LRRC71: variants seen among roughly 807,000 people sequenced by gnomAD.
LRRC71 encodes the protein leucine-rich repeat-containing protein 71.
Under a neutral mutation model 66.6 loss-of-function variants are expected in LRRC71, and 54 were observed. The observed-to-expected ratio is 0.81, with a 90% CI of 0.65 to 1.02. The LOEUF is 1.02. Ranked by LOEUF, LRRC71 falls within the 50% of genes least tolerant of loss-of-function variation. The probability of loss-of-function intolerance (pLI) is 0.00; values close to 1 mark genes in which losing one functional copy is unlikely to be tolerated. For synonymous variants in LRRC71, 323 were observed against 303.9 expected (o/e 1.06, Z -0.65); for missense variants, 724 against 718.0 (o/e 1.01, Z -0.10).
intron 9 of LRRC71, 67 bp downstream of exon 9, chr1:156,928,071 C>A: frequency 6.9e-7 from 1 of 1,447,824 alleles, no homozygotes; most frequent in Non-Finnish European, 9.5e-7. Flanking sequence ...CTCCCCAAGT[C>A]CGCTGCTTTT....
chr1:156,934,535 A>G (rs538878942), downstream of LRRC71, among the ~76,000 whole-genome samples: 2 of 152,210 alleles, frequency 1.3e-5, no homozygotes, highest in East Asian at 1.9e-4. Flanking sequence ...ATGTGTATAT[A>G]TATGTGTGTG....
At position 156,920,878 on chromosome 1, in the gene LRRC71, G is replaced by T; in HGVS notation, c.75G>T (p.Ala25=). Residue 25 remains alanine, a synonymous_variant, in exon 1 of 15, where the codon GCG becomes GCT. Coordinates refer to ENST00000337428, the MANE Select transcript of LRRC71 (RefSeq NM_144702.3). This position sits in a 1 kb window ranked among gnomAD's most constrained non-coding sequence, Gnocchi z 4.9. The stretch of plus-strand genomic sequence containing the variant: ...CGGGGACCCAGAAGTCTTCTGGCGC[G>T]GTGACCAAAAAGGGAGAGCGCGCGG... ...PRPGTQKSSG[A]VTKKGERAAK... 3 of 1,541,620 alleles carry T rather than the reference G, an allele frequency of 1.9e-6. No individual in the cohort carries two copies. The highest frequency in any genetic ancestry group is 2.6e-6 in the Non-Finnish European group (3 of 1,143,288).
At chr1:156,923,901 C>CG in intron 1 of LRRC71, 48 bp from the exon 2 acceptor site, 1 of 1,418,488 alleles carries the variant, frequency 7.0e-7, no homozygotes, top group Non-Finnish European at 9.2e-7. Context: ...CTTGGGGATG[C>CG]GGGGGTGGGC....
downstream of LRRC71, chr1:156,937,389 T>C: frequency 6.2e-7 from 1 of 1,605,964 alleles, no homozygotes; most frequent in Non-Finnish European, 8.5e-7. Context: ...TGAGGCTCTG[T>C]CTGCCCTGCA....
downstream of LRRC71, chr1:156,936,045 G>C (rs751203515): frequency 2.7e-5 from 43 of 1,614,044 alleles, no homozygotes; most frequent in African/African-American, 6.7e-5. Flanking sequence ...TGTCTTCCAG[G>C]GGGGCGTCAG....
the LRRC71 span, chr1:156,939,891 C>T: frequency 6.2e-7 from 1 of 1,605,994 alleles, no homozygotes; most frequent in Non-Finnish European, 8.5e-7. Flanking sequence ...TCCACAGGAT[C>T]AGATGTCGCA....
chr1:156,924,550 G>A lies in LRRC71; in HGVS notation c.437G>A (p.Arg146His), dbSNP rs1220064030. The A allele has an allele frequency of 6.4e-7, 1 of 1,551,460 alleles. No individual in the cohort carries two copies. Among genetic ancestry groups the A allele is most frequent in the Admixed American group, 2.0e-5 (1 of 51,002 alleles). ...DSKSVKEIYI[R>H]GWKVEERILG... ...AAGTCAGTGAAGGAAATCTACATCC[G>A]CGGTGAGCCCCGCTCCCCCCACCCG... Residue 146 changes from arginine to histidine, a missense_variant and splice_region_variant, in exon 3 of 15, where the codon CGC (arginine) becomes CAC (histidine). Arg to His is a conservative substitution (Grantham distance 29). Coordinates refer to ENST00000337428, the MANE Select transcript of LRRC71 (RefSeq NM_144702.3).
chr1:156,937,931 C>T (rs1011266288), downstream of LRRC71, among the ~76,000 whole-genome samples: 14 of 152,294 alleles, frequency 9.2e-5, no homozygotes, highest in African/African-American at 3.1e-4. Context: ...ATGCCACGAT[C>T]CTCTGGAGGT....
chr1:156,933,781 T>A (rs117596648), downstream of LRRC71, among the ~76,000 whole-genome samples: 3,053 of 152,278 alleles, frequency 0.02, 55 homozygotes, highest in South Asian at 0.055. Context: ...TATACAGCAG[T>A]GTCCAAGATG....
chr1:156,924,986 G>C lies in LRRC71; in HGVS notation c.564G>C (p.Glu188Asp), dbSNP rs1182693162. ...LTDKTLTTFI[E>D]LLPLCSSTLR... is the part of the protein sequence containing the mutation. ...ATAAGACCCTGACCACCTTCATCGAGCTCCTGCCTCTCTGTTCATCCACGC... is the reference window on the plus strand; with the variant it reads ...ATAAGACCCTGACCACCTTCATCGACCTCCTGCCTCTCTGTTCATCCACGC... The change falls in exon 5 of 15, where the codon GAG becomes GAC. Residue 188 changes from glutamate (E) to aspartate (D), a missense_variant. Glu to Asp is a conservative substitution (Grantham distance 45, BLOSUM62 2). Transcript: ENST00000337428. The C allele has an allele frequency of 1.9e-6, 3 of 1,551,560 alleles. No individual in the cohort carries two copies. The highest frequency in any genetic ancestry group is 1.7e-4 in the Middle Eastern group (1 of 6,014).
downstream of LRRC71, chr1:156,937,523 C>T: frequency 6.6e-6 from 10 of 1,507,262 alleles, no homozygotes; most frequent in Non-Finnish European, 8.0e-6. Flanking sequence ...AGAATGAGAT[C>T]AGGAGGCAAA....
Position 156,927,766 on chromosome 1 carries a change from T to C in LRRC71, c.856T>C (p.Ser286Pro). 6.2e-7 allele frequency: 1 copy of C among 1,611,830 alleles called. No individual in the cohort carries two copies. Residue 286 changes from serine to proline, a missense_variant, in exon 8 of 15, where the codon TCC becomes CCC. By Grantham distance (74) the Ser-to-Pro change is moderately conservative (BLOSUM62 -1). Transcript: ENST00000337428. ...LRLNRSLLWL[S>P]LAHNRIQDKG... ...GCTGAACCGTTCCCTGCTCTGGCTG[T>C]CCCTGGCCCACAACCGCATCCAGGA...
At position 156,932,604 on chromosome 1, in the gene LRRC71, T is replaced by C. The variant is rs770527755; in HGVS notation, c.1563+59T>C. The C allele has an allele frequency of 2.5e-6, 4 of 1,613,740 alleles. No homozygotes were observed. In the South Asian group the frequency reaches 3.3e-5, roughly 13 times the overall value. On this transcript the variant is annotated intron_variant, in intron 14 of 14. Coordinates refer to ENST00000337428, the MANE Select transcript of LRRC71 (RefSeq NM_144702.3). Reference sequence around the variant, plus strand: ...ACGTTGCCCCTATCAGCTGTCATACTAGACAGCTGCTGCAGGCAGCTTCTG... The same window carrying C: ...ACGTTGCCCCTATCAGCTGTCATACCAGACAGCTGCTGCAGGCAGCTTCTG...
At chr1:156,923,883 C>T (rs1652767006) in intron 1 of LRRC71, 66 bp from the exon 2 acceptor site, 6 of 1,407,372 alleles carry the variant, frequency 4.3e-6, no homozygotes, top group Non-Finnish European at 3.7e-6. Flanking sequence ...TCCGCCCGCG[C>T]GGGAGAGCTT....
chr1:156,939,935 T>C, the LRRC71 span: 1 of 1,596,858 alleles, frequency 6.3e-7, no homozygotes, highest in Non-Finnish European at 8.5e-7. Context: ...GGGTGATGTC[T>C]TCCCAGCATG....
chr1:156,924,213 G>A lies in LRRC71; in HGVS notation c.310+115G>A, dbSNP rs570698741. On this transcript the variant is annotated intron_variant, in intron 2 of 14. Transcript: ENST00000337428. ...CGGGGCGGTGTGTGTGTGTGAGTCG[G>A]CGGTATTCGACGAGGCCGGTGGGGA... 2,338 of 1,312,570 alleles carry A rather than the reference G, an allele frequency of 1.8e-3. 24 individuals carry two copies. In the African/African-American group the frequency reaches 0.027, roughly 15 times the overall value. 81.3% of individuals were successfully genotyped at this position (1,312,570 alleles called of 1,614,324 possible).
rs748618764 is a variant in LRRC71 at position 156,928,000 on chromosome 1, G to A, written c.992G>A (p.Arg331Gln). 9 of 1,595,416 alleles carry A rather than the reference G, an allele frequency of 5.6e-6. No homozygotes were observed. The Admixed American group carries it at 1.0e-4, about 18-fold the overall frequency. Reference sequence around the variant, plus strand: ...GAAAAAGGGACACAGGAGCGCTCGCGATCGGTGAGGAGCTACCAGGCCCCA... The same window carrying A: ...GAAAAAGGGACACAGGAGCGCTCGCAATCGGTGAGGAGCTACCAGGCCCCA... ...LLEKGTQERS[R>Q]SPSSSRHGDS... is the part of the protein sequence containing the mutation. The change falls in exon 9 of 15, where the codon CGA (arginine) becomes CAA (glutamine). Residue 331 changes from arginine (R) to glutamine (Q), a missense_variant. Coordinates refer to ENST00000337428, the MANE Select transcript of LRRC71 (RefSeq NM_144702.3).
intron 5 of LRRC71, among the ~76,000 whole-genome samples, chr1:156,925,241 G>A (rs558062583): frequency 7.5e-4 from 114 of 152,294 alleles, no homozygotes; most frequent in African/African-American, 2.6e-3. Flanking sequence ...CTGATCTTCA[G>A]GGGCTCAACC....
chr1:156,940,628 CT>C, the LRRC71 span, among the ~76,000 whole-genome samples: 894 of 152,270 alleles, frequency 5.9e-3, 4 homozygotes, highest in Non-Finnish European at 0.01. Context: ...CTATGTTGAG[CT>C]TACATTCTAG....
Sources: gnomAD v4.1 joint callset for allele counts (sites outside exome capture counted in the v4.1 genomes callset) on GRCh38, gnomAD v4.1.1 for gene constraint, Gnocchi (gnomAD v3.1) non-coding constraint, MANE v1.5 for transcripts, NCBI Gene and HGNC (gene_info 2026-07-23, HGNC 2026-07-21) for gene names.